The following AFG2A variants were observed in gnomAD, a reference collection of about 807,000 sequenced individuals.
AFG2A encodes AAA ATPase AFG2A.
At chr4:122,934,420 G>C in the AFG2A span, 1 of 1,614,240 alleles carries the variant, frequency 6.2e-7, no homozygotes, top group South Asian at 1.1e-5. Flanking sequence ...GAGCCCTGGA[G>C]ATGGCAGTGG....
chr4:123,054,492 G>A, the AFG2A span, among the ~76,000 whole-genome samples: 1 of 151,908 alleles, frequency 6.6e-6, no homozygotes, highest in South Asian at 2.1e-4. Flanking sequence ...GCCGAGGCAG[G>A]CAGATGACGA....
the AFG2A span, among the ~76,000 whole-genome samples, chr4:122,972,167 T>C: frequency 6.6e-6 from 1 of 152,156 alleles, no homozygotes; most frequent in African/African-American, 2.4e-5. Flanking sequence ...GTTTTAATTA[T>C]AGATTTAATT....
chr4:123,164,395 G>A, the AFG2A span, among the ~76,000 whole-genome samples: 4 of 151,920 alleles, frequency 2.6e-5, no homozygotes, highest in East Asian at 1.9e-4. Context: ...ACAGAGTCTC[G>A]CCCTGTCACC....
chr4:123,041,323 G>C, the AFG2A span, among the ~76,000 whole-genome samples: 5,918 of 129,222 alleles, frequency 0.046, 403 homozygotes, highest in African/African-American at 0.15. Context: ...GGGTTTCACC[G>C]TGTTAGCCAG....
the AFG2A span, among the ~76,000 whole-genome samples, chr4:123,173,972 TA>T: frequency 6.7e-6 from 1 of 150,230 alleles, no homozygotes; most frequent in African/African-American, 2.4e-5. Flanking sequence ...ACTAGTCCAA[TA>T]AGAAAAAAAA....
At chr4:123,182,534 T>C in the AFG2A span, among the ~76,000 whole-genome samples, 1 of 152,192 alleles carries the variant, frequency 6.6e-6, no homozygotes, top group Admixed American at 6.5e-5. Context: ...TCTGCCTAGG[T>C]ATTAGATGTT....
At chr4:123,023,115 G>T in the AFG2A span, among the ~76,000 whole-genome samples, 3 of 151,218 alleles carry the variant, frequency 2.0e-5, no homozygotes, top group African/African-American at 4.9e-5. Flanking sequence ...CAGCACACCA[G>T]CATGGCACAT....
the AFG2A span, among the ~76,000 whole-genome samples, chr4:122,940,002 G>A: frequency 1.3e-5 from 2 of 152,158 alleles, no homozygotes; most frequent in African/African-American, 2.4e-5. Flanking sequence ...TGGTGTATAT[G>A]TGCCACATTT....
the AFG2A span, among the ~76,000 whole-genome samples, chr4:122,930,152 C>T: frequency 6.6e-6 from 1 of 152,126 alleles, no homozygotes; most frequent in Non-Finnish European, 1.5e-5. Context: ...TTTAGTAAAA[C>T]AAACCGTCAT....
chr4:122,970,976 C>T, the AFG2A span, among the ~76,000 whole-genome samples: 2 of 152,084 alleles, frequency 1.3e-5, no homozygotes, highest in African/African-American at 4.8e-5. Flanking sequence ...TTAGTAGAGA[C>T]AGGGTTTCAC....
At chr4:123,128,496 A>G in the AFG2A span, among the ~76,000 whole-genome samples, 3 of 152,328 alleles carry the variant, frequency 2.0e-5, no homozygotes, top group East Asian at 5.8e-4. Flanking sequence ...ACATCTACCC[A>G]AGAAGTAATT....
the AFG2A span, among the ~76,000 whole-genome samples, chr4:123,265,516 T>C: frequency 3.9e-5 from 6 of 152,132 alleles, no homozygotes; most frequent in Non-Finnish European, 8.8e-5. Flanking sequence ...CTATTTTAGA[T>C]AGGATGTTTA....
At chr4:123,026,811 A>G in the AFG2A span, among the ~76,000 whole-genome samples, 1 of 152,224 alleles carries the variant, frequency 6.6e-6, no homozygotes, top group Non-Finnish European at 1.5e-5. Flanking sequence ...ATTCATATAG[A>G]TTGATTAGTC....
chr4:122,934,271 G>A, the AFG2A span: 1 of 1,614,198 alleles, frequency 6.2e-7, no homozygotes, highest in Non-Finnish European at 8.5e-7. Context: ...ATGGAAACCA[G>A]TAGCCTGGAG....
At chr4:123,134,862 A>G in the AFG2A span, among the ~76,000 whole-genome samples, 3 of 151,838 alleles carry the variant, frequency 2.0e-5, no homozygotes, top group African/African-American at 7.3e-5. Flanking sequence ...TCCTCCTCAA[A>G]CTCTTCTGAA....
At chr4:122,964,507 A>C in the AFG2A span, among the ~76,000 whole-genome samples, 2 of 152,036 alleles carry the variant, frequency 1.3e-5, no homozygotes, top group Admixed American at 1.3e-4. Flanking sequence ...GTCTCAAAAA[A>C]AAAAAAAAAA....
chr4:122,957,534 A>T, the AFG2A span, among the ~76,000 whole-genome samples: 2 of 152,164 alleles, frequency 1.3e-5, no homozygotes, highest in South Asian at 4.1e-4. Flanking sequence ...GTTTACTATG[A>T]TGTGTGCATT....
At chr4:123,111,732 C>CTTA in the AFG2A span, among the ~76,000 whole-genome samples, 246 of 149,878 alleles carry the variant, frequency 1.6e-3, no homozygotes, top group African/African-American at 5.5e-3. Flanking sequence ...TCTTCTTCTT[C>CTTA]TTATTATTAT....
the AFG2A span, among the ~76,000 whole-genome samples, chr4:123,043,288 CTT>C: frequency 6.6e-6 from 1 of 152,258 alleles, no homozygotes; most frequent in Admixed American, 6.5e-5. Context: ...AAGACTTTCT[CTT>C]TCTTATCAGT....
Sources: allele counts gnomAD v4.1 joint callset (sites outside exome capture counted in the v4.1 genomes callset), GRCh38; gene constraint gnomAD v4.1.1; transcripts MANE v1.5; gene names NCBI Gene and HGNC (gene_info 2026-07-23, HGNC 2026-07-21).